The following PRMT8 variants were observed in gnomAD, a reference collection of about 807,000 sequenced individuals.
PRMT8 encodes protein arginine N-methyltransferase 8.
Under a neutral mutation model 47.1 loss-of-function variants are expected in PRMT8, and 7 were observed. That is an observed-to-expected ratio of 0.15 (90% CI 0.08 to 0.28). The LOEUF is 0.28. Ranked by LOEUF, PRMT8 falls within the 10% of genes least tolerant of loss-of-function variation. The pLI, the probability that PRMT8 is intolerant of heterozygous loss-of-function variation, is 1.00. For missense variants in PRMT8, 237 were observed against 505.4 expected (o/e 0.47, Z 5.09); for synonymous variants, 188 against 186.5 (o/e 1.01, Z -0.07).
chr12:3,495,393 T>A (rs1260779682), intron 1 of PRMT8, among the ~76,000 whole-genome samples: 1 of 152,238 alleles, frequency 6.6e-6, no homozygotes, highest in Non-Finnish European at 1.5e-5. Flanking sequence ...GACCTCCGAC[T>A]GCATATGTGA....
chr12:3,508,459 C>T lies in PRMT8; in HGVS notation c.75+16759C>T, dbSNP rs1001978469. Reference sequence around the variant, plus strand: ...ACACACAGGGTCTGACATCTGAACGCGGGAGAGTGTGTTTCCTGTGAGAAA... The same window carrying T: ...ACACACAGGGTCTGACATCTGAACGTGGGAGAGTGTGTTTCCTGTGAGAAA... On this transcript the variant is annotated intron_variant, in intron 1 of 9. Coordinates refer to ENST00000382622, the MANE Select transcript of PRMT8 (RefSeq NM_019854.5). The surrounding 1 kb of genome is among the most constrained non-coding windows in gnomAD (Gnocchi z 4.9). 2.6e-5 allele frequency among the ~76,000 whole-genome samples: 4 copies of T among 152,118 alleles called. No homozygotes were observed. The highest frequency in any genetic ancestry group is 1.9e-4 in the East Asian group (1 of 5,196).
intron 4 of PRMT8, among the ~76,000 whole-genome samples, chr12:3,563,956 C>T (rs1240050070): frequency 6.7e-6 from 1 of 149,414 alleles, no homozygotes; most frequent in Non-Finnish European, 1.5e-5. Flanking sequence ...TTCAACATTG[C>T]TCATTCATCC....
At chr12:3,431,850 T>C (rs1475055411) in intron 1 of PRMT8, among the ~76,000 whole-genome samples, 1 of 152,162 alleles carries the variant, frequency 6.6e-6, no homozygotes, top group Non-Finnish European at 1.5e-5. Flanking sequence ...TGGTGTGGCA[T>C]CGCAGGGAGC....
chr12:3,590,717 G>T (rs1390285841), intron 8 of PRMT8, among the ~76,000 whole-genome samples: 1 of 151,856 alleles, frequency 6.6e-6, no homozygotes, highest in African/African-American at 2.4e-5. Context: ...GGGTTCTTCT[G>T]CAGTCTGTAG....
chr12:3,489,309 C>G (rs1865350521), upstream of PRMT8, among the ~76,000 whole-genome samples: 1 of 151,720 alleles, frequency 6.6e-6, no homozygotes, highest in Admixed American at 6.6e-5. Flanking sequence ...TTCAGCTCCC[C>G]TCCTCCCTGG....
chr12:3,587,154 C>A (rs968664325), intron 8 of PRMT8, among the ~76,000 whole-genome samples: 1 of 149,362 alleles, frequency 6.7e-6, no homozygotes, highest in Non-Finnish European at 1.5e-5. Context: ...TCATGGTTCA[C>A]TTTTTTTGCT....
In PRMT8 at chr12:3,445,214, G is replaced by A. The variant is rs188991035; in HGVS notation, c.48+63772G>A. Among the ~76,000 whole-genome samples, 25 of 152,282 alleles carry A rather than the reference G, an allele frequency of 1.6e-4. No homozygotes were observed. The East Asian group carries it at 4.6e-3, about 28-fold the overall frequency. On this transcript the variant is annotated intron_variant, in intron 1 of 9. Coordinates refer to the PRMT8 transcript ENST00000452611. ...TGTCGTCACTATTTAAACAAAACTA[G>A]CATGTAGAGAGGGAAATGCTAACCC...
intron 1 of PRMT8, among the ~76,000 whole-genome samples, chr12:3,482,164 G>A (rs560077000): frequency 2.0e-5 from 3 of 152,296 alleles, no homozygotes; most frequent in Non-Finnish European, 2.9e-5. Flanking sequence ...GGAGGAAAAG[G>A]TACAGATGTT....
At chr12:3,421,817 C>T (rs139213067) in intron 1 of PRMT8, among the ~76,000 whole-genome samples, 2 of 152,332 alleles carry the variant, frequency 1.3e-5, no homozygotes, top group East Asian at 3.9e-4. Context: ...AACCATTAAC[C>T]TCACAAAGAA....
rs1866166655 is a variant in PRMT8 at position 3,538,730 on chromosome 12, A to G, written c.76-1876A>G. On this transcript the variant is annotated intron_variant, in intron 1 of 9. Coordinates refer to ENST00000382622, the MANE Select transcript of PRMT8 (RefSeq NM_019854.5). The surrounding 1 kb of genome is among the most constrained non-coding windows in gnomAD (Gnocchi z 4.6). ...GAGGTGATTCTGCAGCCTGCACAGG[A>G]GTGTGCACTTGACACAGTCTATTTT... The G allele has an allele frequency of 1.9e-6, 1 of 518,870 alleles. No homozygotes were observed. The highest frequency in any genetic ancestry group is 1.9e-5 in the Admixed American group (1 of 51,580). 32.1% of individuals were successfully genotyped at this position (518,870 alleles called of 1,614,324 possible).
intron 1 of PRMT8, among the ~76,000 whole-genome samples, chr12:3,413,084 A>C (rs1864448354): frequency 1.3e-5 from 2 of 152,188 alleles, no homozygotes; most frequent in African/African-American, 2.4e-5. Flanking sequence ...TCCTCCAGAA[A>C]GTATATACGC....
At chr12:3,418,189 G>A (rs544673557) in intron 1 of PRMT8, among the ~76,000 whole-genome samples, 51 of 152,318 alleles carry the variant, frequency 3.3e-4, no homozygotes, top group African/African-American at 1.1e-3. Context: ...AAGAGTTCGA[G>A]GCTGAGGTTG....
chr12:3,549,708 G>A (rs1174714861), intron 2 of PRMT8, among the ~76,000 whole-genome samples: 1 of 152,182 alleles, frequency 6.6e-6, no homozygotes, highest in Non-Finnish European at 1.5e-5. Flanking sequence ...TTTCTCTTCT[G>A]ATGGTGAATA....
At chr12:3,474,414 T>G (rs1478836683) in intron 1 of PRMT8, among the ~76,000 whole-genome samples, 1 of 152,214 alleles carries the variant, frequency 6.6e-6, no homozygotes, top group African/African-American at 2.4e-5. Context: ...TTTTCTCTGC[T>G]GCAGCCACCC....
intron 1 of PRMT8, among the ~76,000 whole-genome samples, chr12:3,523,087 A>G (rs1020105377): frequency 6.6e-6 from 1 of 152,198 alleles, no homozygotes; most frequent in Non-Finnish European, 1.5e-5. Flanking sequence ...ATGCCTGCCA[A>G]GTCTTACAGT....
intron 1 of PRMT8, among the ~76,000 whole-genome samples, chr12:3,406,566 A>G (rs1591540471): frequency 6.6e-6 from 1 of 152,208 alleles, no homozygotes; most frequent in East Asian, 1.9e-4. Context: ...CTCAAGTTCA[A>G]AGTTACACAG....
chr12:3,520,127 A>G (rs1008021986), intron 1 of PRMT8, among the ~76,000 whole-genome samples: 1 of 152,142 alleles, frequency 6.6e-6, no homozygotes, highest in Non-Finnish European at 1.5e-5. Flanking sequence ...GGAGGAGGAA[A>G]AGCCACTGAG....
At chr12:3,411,795 G>T (rs1293165507) in intron 1 of PRMT8, among the ~76,000 whole-genome samples, 1 of 152,238 alleles carries the variant, frequency 6.6e-6, no homozygotes, top group African/African-American at 2.4e-5. Context: ...ATGCTGTGAT[G>T]CAGGAAGGAG....
At chr12:3,443,343 A>G (rs74057412) in intron 1 of PRMT8, among the ~76,000 whole-genome samples, 7,030 of 152,082 alleles carry the variant, frequency 0.046, 214 homozygotes, top group African/African-American at 0.079. Context: ...TGCCTCCCCC[A>G]TCCCCCAAAC....
Sources: allele counts gnomAD v4.1 joint callset (sites outside exome capture counted in the v4.1 genomes callset), GRCh38; gene constraint gnomAD v4.1.1; non-coding constraint Gnocchi (gnomAD v3.1); transcripts MANE v1.5; gene names NCBI Gene and HGNC (gene_info 2026-07-23, HGNC 2026-07-21).